The following GRID1 variants were observed in gnomAD, a reference collection of about 807,000 sequenced individuals.
GRID1 encodes the protein glutamate ionotropic receptor delta type subunit 1, also known as glutamate receptor ionotropic, delta-1.
A neutral mutation model predicts 98.0 loss-of-function variants in GRID1; 28 were observed. The observed-to-expected ratio is 0.29, with a 90% CI of 0.21 to 0.39. GRID1 has a LOEUF of 0.39. Among genes scored for constraint, GRID1 ranks in the 10% least tolerant of loss-of-function variants. GRID1 has a pLI of 1.00. For synonymous variants in GRID1, 553 were observed against 538.5 expected (o/e 1.03, Z -0.37); for missense variants, 1,111 against 1,340.5 (o/e 0.83, Z 2.67).
At chr10:86,233,135 T>C (rs1433126763) in intron 2 of GRID1, among the ~76,000 whole-genome samples, 2 of 151,668 alleles carry the variant, frequency 1.3e-5, no homozygotes, top group African/African-American at 2.4e-5. Context: ...CCCACTGAAG[T>C]GGCCGGCTGG....
intron 4 of GRID1, among the ~76,000 whole-genome samples, chr10:85,949,242 T>C (rs1275337696): frequency 6.6e-6 from 1 of 152,100 alleles, no homozygotes; most frequent in African/African-American, 2.4e-5. Flanking sequence ...TTCAAAAAAG[T>C]TTTAGTTGAA....
At chr10:85,972,244 G>A (rs1240959379) in intron 4 of GRID1, among the ~76,000 whole-genome samples, 1 of 150,878 alleles carries the variant, frequency 6.6e-6, no homozygotes, top group Non-Finnish European at 1.5e-5. Flanking sequence ...TTTTCCCCCG[G>A]TACAGCTAGG....
intron 15 of GRID1, among the ~76,000 whole-genome samples, chr10:85,603,434 G>A (rs74841446): frequency 0.014 from 2,103 of 152,342 alleles, 18 homozygotes; most frequent in Middle Eastern, 0.027. Context: ...GGCTATCTAA[G>A]TGGGTGATCT....
intron 4 of GRID1, among the ~76,000 whole-genome samples, chr10:86,083,600 C>T (rs1478451880): frequency 6.6e-6 from 1 of 152,194 alleles, no homozygotes; most frequent in African/African-American, 2.4e-5. Context: ...AGTAAAAGTC[C>T]ATCCTATCTT....
intron 2 of GRID1, among the ~76,000 whole-genome samples, chr10:86,220,585 G>A (rs769857461): frequency 6.6e-6 from 1 of 152,170 alleles, no homozygotes; most frequent in Non-Finnish European, 1.5e-5. Flanking sequence ...TGGGCTGATG[G>A]TCAGACGCCT....
chr10:86,178,292 T>C (rs567374555), intron 3 of GRID1, among the ~76,000 whole-genome samples: 1 of 152,280 alleles, frequency 6.6e-6, no homozygotes, highest in Non-Finnish European at 1.5e-5. Context: ...ATATCCATCG[T>C]GCCCTTCTTT....
chr10:86,252,888 C>A (rs887904597), intron 2 of GRID1, among the ~76,000 whole-genome samples: 1 of 152,174 alleles, frequency 6.6e-6, no homozygotes, highest in African/African-American at 2.4e-5. Context: ...TTTCTCTGGG[C>A]CTTTGCCACA....
chr10:85,869,659 C>T (rs1843257326), intron 5 of GRID1, among the ~76,000 whole-genome samples: 2 of 152,094 alleles, frequency 1.3e-5, no homozygotes, highest in South Asian at 4.1e-4. Flanking sequence ...GAGAATATAT[C>T]CATTCATTTA....
intron 3 of GRID1, among the ~76,000 whole-genome samples, chr10:86,202,374 C>T (rs1356495613): frequency 6.6e-6 from 1 of 152,224 alleles, no homozygotes; most frequent in Non-Finnish European, 1.5e-5. Context: ...AACCTTCATC[C>T]AAATTTATTC....
intron 2 of GRID1, among the ~76,000 whole-genome samples, chr10:86,237,916 A>T (rs768564127): frequency 6.6e-6 from 1 of 152,182 alleles, no homozygotes; most frequent in Non-Finnish European, 1.5e-5. Flanking sequence ...TTGAGAACCG[A>T]CGAATACAGC....
rs1381793561 is a variant in GRID1 at position 86,366,177 on chromosome 10, C to A, written c.79+137G>T. ...GCCGGTGCACAGCTCCTCCGCCGGG[C>A]GGCGCGGCGCGGCCCTTCGGGGGAG... On this transcript the variant is annotated intron_variant, in intron 1 of 15. Coordinates refer to ENST00000327946, the MANE Select transcript of GRID1 (RefSeq NM_017551.3). The surrounding 1 kb of genome is among the most constrained non-coding windows in gnomAD (Gnocchi z 4.1). The A allele has an allele frequency of 7.4e-6, 3 of 406,842 alleles. No homozygotes were observed. The East Asian group carries it at 1.4e-4, about 19-fold the overall frequency. 25.2% of individuals were successfully genotyped at this position (406,842 alleles called of 1,614,324 possible). A position where few individuals can be genotyped will look rare whatever the true frequency, so the allele number is the denominator to read the frequency against.
chr10:86,122,222 G>A (rs2131960293), intron 4 of GRID1, among the ~76,000 whole-genome samples: 1 of 152,330 alleles, frequency 6.6e-6, no homozygotes, highest in East Asian at 1.9e-4. Flanking sequence ...AGTAGACACA[G>A]GTTCAGAGAG....
At chr10:86,126,326 G>C (rs939772828) in intron 4 of GRID1, among the ~76,000 whole-genome samples, 1 of 152,152 alleles carries the variant, frequency 6.6e-6, no homozygotes, top group Non-Finnish European at 1.5e-5. Flanking sequence ...GTGGTGGCAC[G>C]CGCCTGTAAT....
intron 2 of GRID1, among the ~76,000 whole-genome samples, chr10:86,355,453 A>T (rs954646799): frequency 4.6e-5 from 7 of 152,222 alleles, no homozygotes; most frequent in African/African-American, 1.4e-4. Flanking sequence ...TCAGGGCCAC[A>T]TGTCCCACAC....
intron 12 of GRID1, among the ~76,000 whole-genome samples, chr10:85,659,813 A>T (rs1441161889): frequency 1.3e-5 from 2 of 152,128 alleles, no homozygotes; most frequent in Non-Finnish European, 2.9e-5. Context: ...GGGCTAGCGC[A>T]TTTCATCCTC....
Position 86,075,338 on chromosome 10 carries a change from C to T in GRID1, c.726+63481G>A, listed in dbSNP as rs376948319. Among the ~76,000 whole-genome samples the T allele has an allele frequency of 3.4e-3, 504 of 146,796 alleles. 4 individuals are homozygous for T. Among genetic ancestry groups the T allele is most frequent in the African/African-American group, 0.012 (478 of 39,470 alleles). On this transcript the variant is annotated intron_variant, in intron 4 of 15. Coordinates refer to ENST00000327946, the MANE Select transcript of GRID1 (RefSeq NM_017551.3). ...GCATCCTCATAAGAAGGAGAAATTGCGAGACAGACACAGGGAGAAGGCCAT... is the reference window on the plus strand; with the variant it reads ...GCATCCTCATAAGAAGGAGAAATTGTGAGACAGACACAGGGAGAAGGCCAT...
At chr10:85,674,429 C>T (rs1429957580) in intron 12 of GRID1, among the ~76,000 whole-genome samples, 1 of 152,212 alleles carries the variant, frequency 6.6e-6, no homozygotes, top group African/African-American at 2.4e-5. Context: ...AAAATTACAA[C>T]AGTCTTATTT....
chr10:85,720,839 C>G (rs982609008), intron 12 of GRID1, among the ~76,000 whole-genome samples: 1 of 151,998 alleles, frequency 6.6e-6, no homozygotes, highest in South Asian at 2.1e-4. Context: ...AAGCGTGATT[C>G]GTGAAATAAA....
chr10:85,808,319 G>A (rs1311237617), intron 8 of GRID1, among the ~76,000 whole-genome samples: 1 of 152,082 alleles, frequency 6.6e-6, no homozygotes, highest in Non-Finnish European at 1.5e-5. Context: ...AAGAGTTTGT[G>A]GTACCAAGGT....
Sources: gnomAD v4.1 joint callset for allele counts (sites outside exome capture counted in the v4.1 genomes callset) on GRCh38, gnomAD v4.1.1 for gene constraint, Gnocchi (gnomAD v3.1) non-coding constraint, MANE v1.5 for transcripts, NCBI Gene and HGNC (gene_info 2026-07-23, HGNC 2026-07-21) for gene names.